The following CD40 variants were observed in gnomAD, a reference collection of about 807,000 sequenced individuals.
CD40 encodes tumor necrosis factor receptor superfamily member 5.
In CD40, 19 loss-of-function variants were observed where a neutral mutation model predicts 38.5. That is an observed-to-expected ratio of 0.49 (90% CI 0.34 to 0.72). CD40 has a LOEUF of 0.72. CD40 is among the 30% of genes least tolerant of loss of function. The pLI is 0.01. For missense variants in CD40, 256 were observed against 344.1 expected (o/e 0.74, Z 2.03); for synonymous variants, 130 against 128.7 (o/e 1.01, Z -0.07).
At position 46,129,220 on chromosome 20, in the gene CD40, T is replaced by C; in HGVS notation, c.*180T>C. ...ACCTGGCACTGGATGCAGAAACAGT[T>C]CACCTTGAAGAACCTCTCACTTCAC... On this transcript the variant is annotated 3_prime_UTR_variant, in exon 9 of 9. Transcript: ENST00000372285. 1.5e-6 allele frequency: 1 copy of C among 681,402 alleles called. No individual in the cohort carries two copies. The highest frequency in any genetic ancestry group is 1.8e-5 in the African/African-American group (1 of 56,948). The allele number at this position is 681,402 out of a possible 1,614,324, so 42.2% of individuals were successfully genotyped here. A position where few individuals can be genotyped will look rare whatever the true frequency, so the allele number is the denominator to read the frequency against.
intron 8 of CD40, 92 bp downstream of exon 8, chr20:46,128,450 T>A: frequency 7.2e-7 from 1 of 1,387,236 alleles, no homozygotes; most frequent in Non-Finnish European, 1.0e-6. Context: ...TGATTCAGAG[T>A]CTGTCTCTGC....
At position 46,128,233 on chromosome 20, in the gene CD40, TC is replaced by T; in HGVS notation, c.646+10del. 1 of 1,609,438 alleles carries T rather than the reference TC, an allele frequency of 6.2e-7. No homozygotes were observed. The highest frequency in any genetic ancestry group is 2.2e-5 in the East Asian group (1 of 44,636). On this transcript the variant is annotated intron_variant, in intron 7 of 8. Coordinates refer to ENST00000372285, the MANE Select transcript of CD40 (RefSeq NM_001250.6). ...GGTGCTGGTCTTTATCAGTGAGTCC[TC>T]AGGTGGGGAGGTGTTGGGGGAGGGA...
chr20:46,124,868 G>A (rs1050800991), intron 5 of CD40, among the ~76,000 whole-genome samples: 1 of 141,328 alleles, frequency 7.1e-6, no homozygotes, highest in Non-Finnish European at 1.5e-5. Flanking sequence ...CCAGGTTCAC[G>A]CCATTCTCCT....
chr20:46,124,751 GTTTTTTTTTTTTTTTTTTTTT>G (rs780015926), intron 5 of CD40, among the ~76,000 whole-genome samples: 7,509 of 74,450 alleles, frequency 0.1, 499 homozygotes, highest in African/African-American at 0.16. Flanking sequence ...CACTGGTATA[GTTTTTTTTTTTTTTTTTTTTT>G]TTTTTTTTTT....
Position 46,129,332 on chromosome 20 carries a change from T to A in CD40, c.*292T>A, listed in dbSNP as rs1279079758. The A allele has an allele frequency of 3.3e-5, 14 of 424,950 alleles. No individual in the cohort carries two copies. The highest frequency in any genetic ancestry group is 4.9e-5 in the Non-Finnish European group (11 of 225,056). The allele number at this position is 424,950 out of a possible 1,614,324, so 26.3% of individuals were successfully genotyped here. On this transcript the variant is annotated 3_prime_UTR_variant, in exon 9 of 9. Coordinates refer to ENST00000372285, the MANE Select transcript of CD40 (RefSeq NM_001250.6). ...GGTGTTGGGGTATGGTTTAGTAATA[T>A]CCACCAGACCTTCCGATCCAGCAGT... is the stretch of plus-strand genomic sequence containing the variant.
intron 1 of CD40, 94 bp downstream of exon 1, chr20:46,118,488 A>AT (rs1949818180): frequency 1.1e-5 from 6 of 547,280 alleles, no homozygotes; most frequent in Non-Finnish European, 2.1e-5. Context: ...TTCCTGGCTG[A>AT]TTTTTGTGGG....
At chr20:46,121,640 A>T in intron 1 of CD40, 180 bp from the exon 2 acceptor site, 1 of 682,052 alleles carries the variant, frequency 1.5e-6, no homozygotes. Context: ...GTGCGATTAT[A>T]ATCAGCTCAG....
rs2085346636 is a variant in CD40 at position 46,122,843 on chromosome 20, C to T, written c.403+87C>T. ...AGGGGCTGGGCAGTGGGCACTTAGC[C>T]CCAGAGGCAGAGGAAGCAGAGGCTC... On this transcript the variant is annotated intron_variant, in intron 4 of 8. Transcript: ENST00000372285. The surrounding 1 kb of genome is among the most constrained non-coding windows in gnomAD (Gnocchi z 5.0). 6.5e-7 allele frequency: 1 copy of T among 1,542,618 alleles called. No homozygotes were observed. The highest frequency in any genetic ancestry group is 8.9e-7 in the Non-Finnish European group (1 of 1,127,262).
At chr20:46,128,636 G>A (rs1289150543) in intron 8 of CD40, 13 of 677,966 alleles carry the variant, frequency 1.9e-5, no homozygotes. Context: ...TTTGGGCCTT[G>A]GGGCTGGGTC....
chr20:46,126,841 T>C lies in CD40; in HGVS notation c.559+140T>C, dbSNP rs78467638. The C allele has an allele frequency of 4.6e-4, 658 of 1,420,248 alleles. 8 individuals are homozygous for C. The East Asian group carries it at 0.016, about 34-fold the overall frequency. 88.0% of individuals were successfully genotyped at this position (1,420,248 alleles called of 1,614,324 possible). On this transcript the variant is annotated intron_variant, in intron 6 of 8. Coordinates refer to ENST00000372285, the MANE Select transcript of CD40 (RefSeq NM_001250.6). ...TGTGGTATCACAGCTCTGCCACTTATCTTGGGAGTCTGGGCAAATCACTTC... is the reference window on the plus strand; with the variant it reads ...TGTGGTATCACAGCTCTGCCACTTACCTTGGGAGTCTGGGCAAATCACTTC...
Position 46,122,382 on chromosome 20 carries a change from A to G in CD40, c.256+24A>G, listed in dbSNP as rs931946898. 9 of 1,614,058 alleles carry G rather than the reference A, an allele frequency of 5.6e-6. No individual in the cohort carries two copies. The highest frequency in any genetic ancestry group is 8.5e-7 in the Non-Finnish European group (1 of 1,180,020). Reference sequence around the variant, plus strand: ...CAGTGCGTGCGCTGTTGGGAAAGGGACGCTTGGGAACCGGGCTGATATTCC... The same window carrying G: ...CAGTGCGTGCGCTGTTGGGAAAGGGGCGCTTGGGAACCGGGCTGATATTCC... On this transcript the variant is annotated intron_variant, in intron 3 of 8. Coordinates refer to ENST00000372285, the MANE Select transcript of CD40 (RefSeq NM_001250.6). The surrounding 1 kb of genome is among the most constrained non-coding windows in gnomAD (Gnocchi z 5.0).
intron 5 of CD40, among the ~76,000 whole-genome samples, chr20:46,125,546 CAAAAAAA>C (rs60475326): frequency 0.019 from 1,334 of 69,488 alleles, 40 homozygotes; most frequent in East Asian, 0.18. Context: ...GACTCTGTCT[CAAAAAAA>C]AAAAAAAAAA....
chr20:46,123,072 C>A, intron 4 of CD40, 54 bp from the exon 5 acceptor site: 1 of 1,368,198 alleles, frequency 7.3e-7, no homozygotes, highest in Non-Finnish European at 1.0e-6. Flanking sequence ...GCCTTGTGAG[C>A]CGGACAGGTG....
chr20:46,128,304 C>CAT, intron 7 of CD40, 26 bp from the exon 8 acceptor site: 1 of 1,439,752 alleles, frequency 6.9e-7, no homozygotes, highest in East Asian at 2.6e-5. Context: ...ACTCCCCATC[C>CAT]TTTTTTTTTT....
rs537635771 is a variant in CD40 at position 46,128,178 on chromosome 20, C to G, written c.600C>G (p.Ile200Met). 6.2e-7 allele frequency: 1 copy of G among 1,613,578 alleles called. No individual in the cohort carries two copies. Among genetic ancestry groups the G allele is most frequent in the African/African-American group, 1.3e-5 (1 of 74,826 alleles). Residue 200 changes from isoleucine to methionine, a missense_variant, in exon 7 of 9, where the codon ATC becomes ATG. Physicochemically the swap from Ile to Met is conservative, Grantham distance 10. Transcript: ENST00000372285. ...DRLRALVVIP[I>M]IFGILFAILL... Reference sequence around the variant, plus strand: ...TGAGAGCCCTGGTGGTGATCCCCATCATCTTCGGGATCCTGTTTGCCATCC... The same window carrying G: ...TGAGAGCCCTGGTGGTGATCCCCATGATCTTCGGGATCCTGTTTGCCATCC...
chr20:46,128,268 C>T, intron 7 of CD40, 44 bp downstream of exon 7: 1 of 1,609,774 alleles, frequency 6.2e-7, no homozygotes. Context: ...GAGGGGAGAC[C>T]ACCTGTTTCT....
chr20:46,123,443 A>G (rs910587639), intron 5 of CD40, among the ~76,000 whole-genome samples: 1 of 152,142 alleles, frequency 6.6e-6, no homozygotes, highest in Non-Finnish European at 1.5e-5. Flanking sequence ...CTCTCGCTTC[A>G]TGAGAGCCTC....
chr20:46,125,405 G>C (rs942534334), intron 5 of CD40, among the ~76,000 whole-genome samples: 1 of 151,756 alleles, frequency 6.6e-6, no homozygotes, highest in Admixed American at 6.6e-5. Context: ...TTAGCTGGGC[G>C]TGGTGGCGCA....
rs2085338260 is a variant in CD40 at position 46,122,496 on chromosome 20, T to C, written c.257-114T>C. 6.4e-7 allele frequency: 1 copy of C among 1,568,716 alleles called. No homozygotes were observed. Among genetic ancestry groups the C allele is most frequent in the African/African-American group, 1.4e-5 (1 of 73,932 alleles). On this transcript the variant is annotated intron_variant, in intron 3 of 8. Transcript: ENST00000372285. The surrounding 1 kb of genome is among the most constrained non-coding windows in gnomAD (Gnocchi z 5.0). ...TGTACTGATCATTAAATGATTTGAT[T>C]GCCATCTCTACTTGGAAGAGGGTCT...
Sources: gnomAD v4.1 joint callset for allele counts (sites outside exome capture counted in the v4.1 genomes callset) on GRCh38, gnomAD v4.1.1 for gene constraint, Gnocchi (gnomAD v3.1) non-coding constraint, MANE v1.5 for transcripts, NCBI Gene and HGNC (gene_info 2026-07-23, HGNC 2026-07-21) for gene names.